The following SLC7A11 variants were observed in gnomAD, a reference collection of about 807,000 sequenced individuals.
The protein encoded by SLC7A11 is solute carrier family 7 member 11.
In SLC7A11, 35 loss-of-function variants were observed where a neutral mutation model predicts 54.5. The ratio of observed to expected loss-of-function variants is 0.64; its 90% CI spans 0.49 to 0.85. The LOEUF is 0.85. Among genes scored for constraint, SLC7A11 ranks in the 40% least tolerant of loss-of-function variants. The pLI is 0.00. For synonymous variants in SLC7A11, 230 were observed against 225.2 expected, an observed-to-expected ratio of 1.02 and a Z score of -0.19; for missense variants, 583 against 618.1, an observed-to-expected ratio of 0.94 and a Z score of 0.60.
intron 6 of SLC7A11, among the ~76,000 whole-genome samples, chr4:138,190,107 T>A (rs1337937844): frequency 6.6e-6 from 1 of 152,136 alleles, no homozygotes; most frequent in African/African-American, 2.4e-5. Flanking sequence ...AGCTTGTCTT[T>A]GTGCTGTGGG....
In SLC7A11 at chr4:138,164,533, C is replaced by T. The variant is rs562619405; in HGVS notation, c.*7423G>A. 18 of 152,300 alleles carry T rather than the reference C, an allele frequency of 1.2e-4. No homozygotes were observed. Among genetic ancestry groups the T allele is most frequent in the African/African-American group, 4.1e-4 (17 of 41,584 alleles). 9.4% of individuals were successfully genotyped at this position (152,300 alleles called of 1,614,324 possible). On this transcript the variant is annotated 3_prime_UTR_variant, in exon 12 of 12. Transcript: ENST00000280612. ...ACGCAATCCACAGATGAAAGTCTCT[C>T]TGCACCATTTATATCTTCATAGATA...
chr4:138,222,967 G>T (rs1737851700), intron 4 of SLC7A11, among the ~76,000 whole-genome samples: 1 of 150,828 alleles, frequency 6.6e-6, no homozygotes, highest in African/African-American at 2.4e-5. Flanking sequence ...AAAATTCACT[G>T]ATGCCTTATT....
In SLC7A11 at chr4:138,171,020, G is replaced by T. The variant is rs1363637488; in HGVS notation, c.*936C>A. 1 of 152,044 alleles carries T rather than the reference G, an allele frequency of 6.6e-6. No homozygotes were observed. Among genetic ancestry groups the T allele is most frequent in the Non-Finnish European group, 1.5e-5 (1 of 67,998 alleles). 9.4% of individuals were successfully genotyped at this position (152,044 alleles called of 1,614,324 possible). A position where few individuals can be genotyped will look rare whatever the true frequency, so the allele number is the denominator to read the frequency against. On this transcript the variant is annotated 3_prime_UTR_variant, in exon 12 of 12. Transcript: ENST00000280612. ...CATGTAGATATGATTACAGATATGG[G>T]ACTATTATTTTGAACATCTTCTTTG...
intron 1 of SLC7A11, among the ~76,000 whole-genome samples, chr4:138,238,872 A>C (rs1166438087): frequency 6.6e-6 from 1 of 152,130 alleles, no homozygotes; most frequent in Non-Finnish European, 1.5e-5. Flanking sequence ...CAATGTGCTG[A>C]GATTATAGGC....
At chr4:138,175,838 C>T (rs1736557960) in intron 11 of SLC7A11, 1 of 152,080 alleles carries the variant, frequency 6.6e-6, no homozygotes, top group Non-Finnish European at 1.5e-5. Context: ...TGGAAACAAC[C>T]TAGGTAAAAT....
At chr4:138,203,940 C>T (rs1737347629) in intron 6 of SLC7A11, among the ~76,000 whole-genome samples, 1 of 152,064 alleles carries the variant, frequency 6.6e-6, no homozygotes, top group South Asian at 2.1e-4. Flanking sequence ...TTGATTTTGA[C>T]TCCTCTTCAC....
At chr4:138,185,442 G>A (rs954863491) in intron 6 of SLC7A11, among the ~76,000 whole-genome samples, 198 bp from the exon 7 acceptor site, 2 of 152,144 alleles carry the variant, frequency 1.3e-5, no homozygotes, top group African/African-American at 4.8e-5. Flanking sequence ...CATGGGGGCA[G>A]ATACTTCGTC....
intron 6 of SLC7A11, among the ~76,000 whole-genome samples, chr4:138,204,391 C>T (rs554469757): frequency 1.3e-5 from 2 of 152,114 alleles, no homozygotes; most frequent in East Asian, 3.9e-4. Context: ...AAAGCAGATA[C>T]TGTTTGTATT....
intron 1 of SLC7A11, 25 bp from the exon 2 acceptor site, chr4:138,236,476 G>A (rs1738210639): frequency 1.9e-6 from 3 of 1,591,014 alleles, no homozygotes; most frequent in South Asian, 1.1e-5. Context: ...TCACAAAATG[G>A]TACCAATTTA....
chr4:138,194,080 T>C (rs971800223), intron 6 of SLC7A11, among the ~76,000 whole-genome samples: 2 of 151,952 alleles, frequency 1.3e-5, no homozygotes, highest in African/African-American at 4.8e-5. Context: ...GGACATGACA[T>C]AGCAGCTGAA....
chr4:138,177,067 T>C (rs1025201165), intron 11 of SLC7A11: 1 of 152,074 alleles, frequency 6.6e-6, no homozygotes, highest in Non-Finnish European at 1.5e-5. Context: ...GATATAAATA[T>C]TAGTATAAGA....
rs192866120 is a variant in SLC7A11, at chr4:138,181,164, C to T, written c.1117-374G>A. 2.9e-3 allele frequency among the ~76,000 whole-genome samples: 434 copies of T among 152,012 alleles called. 4 individuals are homozygous for T. Among genetic ancestry groups the T allele is most frequent in the African/African-American group, 9.7e-3 (402 of 41,484 alleles). On this transcript the variant is annotated intron_variant, in intron 9 of 11. Transcript: ENST00000280612. ...AAGATTGAGATGATTAGTAAATAAC[C>T]GATAATGAACAGTAAAAGAGGCCCA...
In SLC7A11 at chr4:138,217,411, T is replaced by C. The variant is rs115632589; in HGVS notation, c.746+1855A>G. Among the ~76,000 whole-genome samples, 498 of 152,258 alleles carry C rather than the reference T, an allele frequency of 3.3e-3. 3 individuals are homozygous for C. Among genetic ancestry groups the C allele is most frequent in the African/African-American group, 0.011 (467 of 41,548 alleles). On this transcript the variant is annotated intron_variant, in intron 5 of 11. Coordinates refer to ENST00000280612, the MANE Select transcript of SLC7A11 (RefSeq NM_014331.4). ...AGAAACATTTTGGGGTCAGCATCAATAAAGTTAAATATTAGTACAATAATT... is the reference window on the plus strand; with the variant it reads ...AGAAACATTTTGGGGTCAGCATCAACAAAGTTAAATATTAGTACAATAATT...
chr4:138,229,759 C>T (rs1487372068), intron 3 of SLC7A11, among the ~76,000 whole-genome samples: 4 of 152,130 alleles, frequency 2.6e-5, no homozygotes, highest in African/African-American at 9.6e-5. Context: ...CTTATAAAAA[C>T]ATAAATATAG....
At chr4:138,205,174 A>G (rs1308041862) in intron 6 of SLC7A11, among the ~76,000 whole-genome samples, 2 of 152,054 alleles carry the variant, frequency 1.3e-5, no homozygotes, top group Non-Finnish European at 2.9e-5. Context: ...AGGTCTCTCC[A>G]AGGTCAAACA....
rs911699557 is a variant in SLC7A11, at chr4:138,223,429, A to G, written c.521-105T>C. 5.8e-6 allele frequency: 7 copies of G among 1,209,726 alleles called. No homozygotes were observed. In the African/African-American group the frequency reaches 9.1e-5, roughly 16 times the overall value. 74.9% of individuals were successfully genotyped at this position (1,209,726 alleles called of 1,614,324 possible). ...CAATCTGTGAGGCAGCAGTGTTGAC[A>G]TTACTTAGAAGTGTTTTAGAAATGC... On this transcript the variant is annotated intron_variant, in intron 3 of 11. Transcript: ENST00000280612.
intron 6 of SLC7A11, among the ~76,000 whole-genome samples, chr4:138,185,989 G>A (rs918504441): frequency 6.6e-5 from 10 of 152,074 alleles, no homozygotes; most frequent in African/African-American, 2.4e-4. Flanking sequence ...ATAATCCCAT[G>A]AAATTAGAGG....
intron 2 of SLC7A11, 116 bp downstream of exon 2, chr4:138,236,209 C>T (rs1738201944): frequency 5.1e-6 from 4 of 780,128 alleles, no homozygotes; most frequent in Non-Finnish European, 8.1e-6. Flanking sequence ...CTGAGGTAGA[C>T]ATGTTTATCA....
chr4:138,238,172 G>T (rs1013420842), intron 1 of SLC7A11, among the ~76,000 whole-genome samples: 4 of 152,130 alleles, frequency 2.6e-5, no homozygotes, highest in African/African-American at 9.7e-5. Flanking sequence ...GGACAAATAT[G>T]CAACTCCCCA....
Sources: gnomAD v4.1 joint callset for allele counts (sites outside exome capture counted in the v4.1 genomes callset) on GRCh38, gnomAD v4.1.1 for gene constraint, MANE v1.5 for transcripts, NCBI Gene and HGNC (gene_info 2026-07-23, HGNC 2026-07-21) for gene names.